PLGRKT: variants seen among roughly 807,000 people sequenced by gnomAD.
The protein encoded by PLGRKT is plasminogen receptor (KT).
PLGRKT carries 22 observed loss-of-function variants against 18.5 expected under a neutral mutation model. The observed-to-expected ratio is 1.19, with a 90% CI of 0.85 to 1.70. The LOEUF (loss-of-function observed/expected upper bound fraction) is 1.70. Ranked by LOEUF, PLGRKT falls within the 40% of genes most tolerant of loss-of-function variation. PLGRKT has a pLI of 0.00. For synonymous variants in PLGRKT, 72 were observed against 52.8 expected, an observed-to-expected ratio of 1.36 and a Z score of -1.58; for missense variants, 235 against 174.4, an observed-to-expected ratio of 1.35 and a Z score of -1.96.
chr9:5,373,969 A>G (rs903567863), intron 3 of PLGRKT, among the ~76,000 whole-genome samples: 3 of 152,100 alleles, frequency 2.0e-5, no homozygotes, highest in South Asian at 2.1e-4. Flanking sequence ...TTCAAATCCC[A>G]TATTTGTTCA....
intron 3 of PLGRKT, among the ~76,000 whole-genome samples, chr9:5,365,157 T>C (rs991809347): frequency 6.6e-6 from 1 of 152,016 alleles, no homozygotes. Context: ...CTTAGAGAAA[T>C]AGCTGGCCTA....
intron 3 of PLGRKT, among the ~76,000 whole-genome samples, chr9:5,397,099 A>G (rs1233017171): frequency 6.6e-6 from 1 of 151,974 alleles, no homozygotes; most frequent in Middle Eastern, 3.2e-3. Context: ...GGAAGCAAAT[A>G]TTTTAGTGGT....
At chr9:5,405,763 C>A (rs1314604559) in intron 3 of PLGRKT, among the ~76,000 whole-genome samples, 1 of 152,158 alleles carries the variant, frequency 6.6e-6, no homozygotes, top group Non-Finnish European at 1.5e-5. Context: ...CAAATGGGAT[C>A]TAATTAAACT....
intron 3 of PLGRKT, among the ~76,000 whole-genome samples, chr9:5,380,031 T>C (rs1197963766): frequency 6.6e-5 from 10 of 152,212 alleles, no homozygotes; most frequent in Non-Finnish European, 1.3e-4. Context: ...AATGATTAAA[T>C]AAATTCTGAT....
chr9:5,375,019 C>T (rs1009195430), intron 3 of PLGRKT, among the ~76,000 whole-genome samples: 2 of 152,114 alleles, frequency 1.3e-5, no homozygotes, highest in East Asian at 1.9e-4. Flanking sequence ...ACACTCACCA[C>T]GCCCCAACTT....
chr9:5,424,200 A>G (rs932673198), intron 3 of PLGRKT, among the ~76,000 whole-genome samples: 12 of 138,288 alleles, frequency 8.7e-5, no homozygotes, highest in Non-Finnish European at 1.4e-4. Context: ...TGTATAATAC[A>G]TAATATATGT....
chr9:5,368,979 C>T (rs550535714), intron 3 of PLGRKT, among the ~76,000 whole-genome samples: 24 of 152,186 alleles, frequency 1.6e-4, no homozygotes, highest in Middle Eastern at 3.4e-3. Context: ...AAGAGTTATA[C>T]GTAAGACCTA....
At chr9:5,394,725 T>C (rs1287418720) in intron 3 of PLGRKT, among the ~76,000 whole-genome samples, 1 of 151,972 alleles carries the variant, frequency 6.6e-6, no homozygotes, top group Admixed American at 6.5e-5. Context: ...AGTTTTTTTT[T>C]AAATATAACT....
At chr9:5,402,028 T>C (rs764286436) in intron 3 of PLGRKT, among the ~76,000 whole-genome samples, 9 of 151,932 alleles carry the variant, frequency 5.9e-5, no homozygotes, top group Non-Finnish European at 1.3e-4. Context: ...ATCGCAGGTA[T>C]GTAAAGCAGT....
intron 3 of PLGRKT, among the ~76,000 whole-genome samples, chr9:5,380,168 T>C (rs1013567972): frequency 6.6e-6 from 1 of 151,960 alleles, no homozygotes; most frequent in Non-Finnish European, 1.5e-5. Context: ...ATTGAGATCA[T>C]CCTGGCTAAC....
chr9:5,424,609 TATTTATTA>T (rs1250532060), intron 3 of PLGRKT, among the ~76,000 whole-genome samples: 1 of 132,430 alleles, frequency 7.6e-6, no homozygotes, highest in African/African-American at 3.0e-5. Flanking sequence ...TATAATATAT[TATTTATTA>T]TATTATATTA....
intron 3 of PLGRKT, among the ~76,000 whole-genome samples, chr9:5,382,443 G>C (rs887569689): frequency 4.6e-5 from 7 of 152,186 alleles, no homozygotes; most frequent in African/African-American, 1.7e-4. Context: ...TGAGGGGCGA[G>C]AAATGGGGAG....
chr9:5,360,854 C>T (rs1275571000), intron 5 of PLGRKT, among the ~76,000 whole-genome samples: 1 of 152,150 alleles, frequency 6.6e-6, no homozygotes, highest in African/African-American at 2.4e-5. Flanking sequence ...CTATGTTTAA[C>T]AACCAGCTTA....
intron 3 of PLGRKT, among the ~76,000 whole-genome samples, chr9:5,415,869 A>C (rs189320524): frequency 1.5e-3 from 231 of 152,254 alleles, no homozygotes; most frequent in Middle Eastern, 6.8e-3. Context: ...GAGATTAAGA[A>C]GACATCAATT....
At chr9:5,427,043 G>C (rs1189289259) in intron 3 of PLGRKT, among the ~76,000 whole-genome samples, 1 of 152,098 alleles carries the variant, frequency 6.6e-6, no homozygotes, top group Non-Finnish European at 1.5e-5. Flanking sequence ...ATTTTTCACA[G>C]TTTGAGTTAC....
chr9:5,370,760 G>C (rs1054895381), intron 3 of PLGRKT, among the ~76,000 whole-genome samples: 2 of 152,036 alleles, frequency 1.3e-5, no homozygotes, highest in African/African-American at 4.8e-5. Flanking sequence ...AAAGAAAATC[G>C]ATGTTTCAGG....
At chr9:5,363,089 C>T (rs1437181147) in intron 3 of PLGRKT, among the ~76,000 whole-genome samples, 2 of 151,848 alleles carry the variant, frequency 1.3e-5, no homozygotes, top group African/African-American at 4.8e-5. Flanking sequence ...AGCAGGGGGA[C>T]TACCAATGAG....
chr9:5,422,173 C>T (rs1818589650), intron 3 of PLGRKT, among the ~76,000 whole-genome samples: 3 of 152,108 alleles, frequency 2.0e-5, no homozygotes, highest in African/African-American at 7.2e-5. Flanking sequence ...CAGATGTAGG[C>T]AATGATCATG....
At chr9:5,359,715 A>T (rs775315063) in intron 5 of PLGRKT, among the ~76,000 whole-genome samples, 4 of 152,124 alleles carry the variant, frequency 2.6e-5, no homozygotes, top group Admixed American at 2.6e-4. Context: ...ACTTTTTTTT[A>T]AACAGGAAAT....
Sources: allele counts gnomAD v4.1 joint callset (sites outside exome capture counted in the v4.1 genomes callset), GRCh38; gene constraint gnomAD v4.1.1; transcripts MANE v1.5; gene names NCBI Gene and HGNC (gene_info 2026-07-23, HGNC 2026-07-21).